The following RGPD2 variants were observed in gnomAD, a reference collection of about 807,000 sequenced individuals.
The protein encoded by RGPD2 is RANBP2 like and GRIP domain containing 2, also known as RANBP2-like and GRIP domain-containing protein 2.
Under a neutral mutation model 36.0 loss-of-function variants are expected in RGPD2, and 2 were observed. The observed-to-expected ratio is 0.06, with a 90% CI of 0.02 to 0.17. The LOEUF (loss-of-function observed/expected upper bound fraction) is 0.17, where lower values mean the gene tolerates loss of function less well. RGPD2 is among the 10% of genes least tolerant of loss of function. RGPD2 has a pLI of 1.00. For missense variants in RGPD2, 40 were observed against 464.3 expected, an observed-to-expected ratio of 0.09 and a Z score of 8.40; for synonymous variants, 19 against 163.8, an observed-to-expected ratio of 0.12 and a Z score of 6.75.
At chr2:87,897,797 C>T in the RGPD2 span, among the ~76,000 whole-genome samples, 348 of 151,672 alleles carry the variant, frequency 2.3e-3, 2 homozygotes, top group Non-Finnish European at 3.9e-3. Context: ...AATAACTTAT[C>T]TCAAGAGAAA....
the RGPD2 span, among the ~76,000 whole-genome samples, chr2:87,882,127 A>C: frequency 6.6e-6 from 1 of 152,234 alleles, no homozygotes; most frequent in Non-Finnish European, 1.5e-5. Flanking sequence ...TACCTTCAAC[A>C]CTGAGGATTA....
At chr2:87,939,507 G>A in the RGPD2 span, among the ~76,000 whole-genome samples, 2 of 151,932 alleles carry the variant, frequency 1.3e-5, no homozygotes, top group Admixed American at 6.6e-5. Flanking sequence ...ACACAGAGAA[G>A]TCCTTTAGAA....
the RGPD2 span, among the ~76,000 whole-genome samples, chr2:87,969,756 TTGTA>T: frequency 1.2e-4 from 16 of 135,792 alleles, no homozygotes; most frequent in Non-Finnish European, 2.0e-4. Flanking sequence ...TTGTGTCACT[TTGTA>T]TGTTAAAATT....
chr2:87,913,822 G>A, the RGPD2 span, among the ~76,000 whole-genome samples: 2 of 152,112 alleles, frequency 1.3e-5, no homozygotes, highest in South Asian at 2.1e-4. Context: ...GAGAGTAGAT[G>A]TATGGTTGAC....
the RGPD2 span, among the ~76,000 whole-genome samples, chr2:87,983,985 G>T: frequency 6.6e-6 from 1 of 152,102 alleles, no homozygotes; most frequent in African/African-American, 2.4e-5. Flanking sequence ...GTCACTGGGG[G>T]ATTCTACGCA....
the RGPD2 span, among the ~76,000 whole-genome samples, chr2:87,915,385 G>GTA: frequency 0.022 from 2,413 of 108,626 alleles, 174 homozygotes; most frequent in African/African-American, 0.058. Context: ...TATATATATT[G>GTA]TATATATATG....
intron 1 of RGPD2, 135 bp downstream of exon 1, chr2:87,825,521 CCG>C (rs1686730913): frequency 2.4e-5 from 11 of 465,308 alleles, no homozygotes; most frequent in Admixed American, 2.2e-4. Flanking sequence ...AGGCCGCCGC[CCG>C]GCCGAGGCCG....
chr2:87,915,330 T>TTG, the RGPD2 span, among the ~76,000 whole-genome samples: 2 of 111,840 alleles, frequency 1.8e-5, no homozygotes, highest in African/African-American at 8.0e-5. Flanking sequence ...ATTATATATA[T>TTG]TGTATATATA....
At chr2:87,989,700 G>A in the RGPD2 span, 3 of 960,268 alleles carry the variant, frequency 3.1e-6, no homozygotes, top group Non-Finnish European at 2.9e-6. Context: ...ACTTACTAGG[G>A]TGACTCTGTT....
the RGPD2 span, among the ~76,000 whole-genome samples, chr2:87,885,369 A>G: frequency 2.0e-5 from 3 of 152,102 alleles, no homozygotes; most frequent in Non-Finnish European, 4.4e-5. Flanking sequence ...AATAAAGACT[A>G]TATATGACAA....
chr2:87,988,539 ATATTTTTTT>A, the RGPD2 span, among the ~76,000 whole-genome samples: 4 of 24,046 alleles, frequency 1.7e-4, no homozygotes, highest in South Asian at 2.6e-3. Context: ...ATATATATAT[ATATTTTTTT>A]TTTTTCTTTT....
chr2:87,921,107 G>C, the RGPD2 span, among the ~76,000 whole-genome samples: 1 of 150,354 alleles, frequency 6.7e-6, no homozygotes, highest in African/African-American at 2.5e-5. Context: ...GTAAGGTAGA[G>C]ATGCTAATTA....
the RGPD2 span, among the ~76,000 whole-genome samples, chr2:87,961,143 T>G: frequency 6.6e-6 from 1 of 152,096 alleles, no homozygotes; most frequent in Non-Finnish European, 1.5e-5. Context: ...AAACAAACAT[T>G]GAAAATGTTC....
chr2:87,844,726 A>G, the RGPD2 span, among the ~76,000 whole-genome samples: 1 of 151,764 alleles, frequency 6.6e-6, no homozygotes, highest in Non-Finnish European at 1.5e-5. Context: ...TTAAGATATT[A>G]TCTATGTTAT....
the RGPD2 span, among the ~76,000 whole-genome samples, chr2:87,935,287 G>C: frequency 6.7e-6 from 1 of 149,152 alleles, no homozygotes; most frequent in African/African-American, 2.5e-5. Flanking sequence ...GGTATTTCTA[G>C]ATAAAAATAA....
intron 1 of RGPD2, 84 bp downstream of exon 1, chr2:87,825,574 G>C (rs995238578): frequency 5.4e-5 from 40 of 744,912 alleles, no homozygotes; most frequent in East Asian, 2.5e-4. Context: ...GCCGCCGCCC[G>C]GCCAGGTCGA....
At chr2:87,827,078 TTCTC>T (rs887043737), upstream of RGPD2, among the ~76,000 whole-genome samples, 6 of 151,026 alleles carry the variant, frequency 4.0e-5, no homozygotes, top group Middle Eastern at 3.4e-3. Flanking sequence ...TGTTCTCTCT[TTCTC>T]TCTCTCTCGT....
chr2:87,988,541 A>ATATATATATATTTT, the RGPD2 span, among the ~76,000 whole-genome samples: 7 of 54,148 alleles, frequency 1.3e-4, no homozygotes, highest in Non-Finnish European at 1.7e-4. Flanking sequence ...ATATATATAT[A>ATATATATATATTTT]TTTTTTTTTT....
At position 87,756,494 on chromosome 2, in the gene RGPD2, T is replaced by G. The variant is rs1684725483; in HGVS notation, c.*898A>C. 3.4e-6 allele frequency: 1 copy of G among 291,298 alleles called. No homozygotes were observed. The highest frequency in any genetic ancestry group is 2.1e-5 in the African/African-American group (1 of 46,644). 18.0% of individuals were successfully genotyped at this position (291,298 alleles called of 1,614,324 possible). The stretch of plus-strand genomic sequence containing the variant: ...TCTCATTTTATATTGTTTACTTGAA[T>G]ATTTCCTGTAACCCCCCTGTCTGAT... On this transcript the variant is annotated 3_prime_UTR_variant, in exon 23 of 23. Coordinates refer to ENST00000398146, the MANE Select transcript of RGPD2 (RefSeq NM_001078170.3).
Sources: gnomAD v4.1 joint callset for allele counts (sites outside exome capture counted in the v4.1 genomes callset) on GRCh38, gnomAD v4.1.1 for gene constraint, MANE v1.5 for transcripts, NCBI Gene and HGNC (gene_info 2026-07-23, HGNC 2026-07-21) for gene names.